The following SUMF2 variants were observed in gnomAD, a reference collection of about 807,000 sequenced individuals.
SUMF2 encodes sulfatase modifying factor 2.
A neutral mutation model predicts 44.8 loss-of-function variants in SUMF2; 45 were observed. The observed-to-expected ratio is 1.00, with a 90% CI of 0.79 to 1.29. The LOEUF (loss-of-function observed/expected upper bound fraction) is 1.29. SUMF2 is among the 50% of genes most tolerant of loss of function. The pLI is 0.00. For synonymous variants in SUMF2, 148 were observed against 150.4 expected (o/e 0.98, Z 0.12); for missense variants, 418 against 389.9 (o/e 1.07, Z -0.61).
downstream of SUMF2, among the ~76,000 whole-genome samples, chr7:56,081,475 C>G (rs538078933): frequency 1.2e-4 from 19 of 152,180 alleles, no homozygotes; most frequent in Non-Finnish European, 2.6e-4. The surrounding 1 kb of genome is among the most constrained non-coding windows in gnomAD (Gnocchi z 4.6). Flanking sequence ...AGCCAGTGGG[C>G]TGACACCTGC....
At chr7:56,081,843 GC>G, downstream of SUMF2, 1 of 1,609,178 alleles carries the variant, frequency 6.2e-7, no homozygotes, top group Non-Finnish European at 8.5e-7. This position sits in a 1 kb window ranked among gnomAD's most constrained non-coding sequence, Gnocchi z 4.6. Context: ...GGGCAGGGGC[GC>G]CTGGCATCGC....
At chr7:56,065,049 G>A (rs1229679702) in intron 1 of SUMF2, among the ~76,000 whole-genome samples, 1 of 151,398 alleles carries the variant, frequency 6.6e-6, no homozygotes, top group Non-Finnish European at 1.5e-5. Context: ...AAAATTAGCC[G>A]GGCGTGATGG....
At chr7:56,072,934 C>T in intron 2 of SUMF2, 63 bp from the exon 3 acceptor site, 1 of 1,211,596 alleles carries the variant, frequency 8.3e-7, no homozygotes, top group South Asian at 1.3e-5. Flanking sequence ...TTTCCTGGAG[C>T]AGGAGAAGAT....
chr7:56,084,213 G>A, downstream of SUMF2: 1 of 1,533,900 alleles, frequency 6.5e-7, no homozygotes, highest in Non-Finnish European at 8.7e-7. Flanking sequence ...CACCATTTCT[G>A]TTCCATCTCC....
rs4245575 is a variant in SUMF2, at chr7:56,068,567, C to G, written c.153C>G (p.Asp51Glu). 4.3e-6 allele frequency: 7 copies of G among 1,614,020 alleles called. No individual in the cohort carries two copies. The highest frequency in any genetic ancestry group is 1.3e-5 in the African/African-American group (1 of 74,908). ...ATTCTCCAGACAGCAGAGATGGTGACGGGCCTGTGCGGGAGGCGACAGTGA... is the reference window on the plus strand; with the variant it reads ...ATTCTCCAGACAGCAGAGATGGTGAGGGGCCTGTGCGGGAGGCGACAGTGA... ...GTNSPDSRDG[D>E]GPVREATVKP... The change falls in exon 2 of 9, where the codon GAC (aspartate) becomes GAG (glutamate). Residue 51 changes from aspartate (D) to glutamate (E), a missense_variant. Asp to Glu is a conservative substitution (Grantham distance 45). Coordinates refer to ENST00000434526, the MANE Select transcript of SUMF2 (RefSeq NM_015411.4).
Position 56,068,585 on chromosome 7 carries a change from G to T in SUMF2, c.171G>T (p.Ala57=). 1 of 1,613,884 alleles carries T rather than the reference G, an allele frequency of 6.2e-7. No individual in the cohort carries two copies. The highest frequency in any genetic ancestry group is 8.5e-7 in the Non-Finnish European group (1 of 1,179,952). ...SRDGDGPVRE[A]TVKPFAIDIF... ...ATGGTGACGGGCCTGTGCGGGAGGC[G>T]ACAGTGAAACCCTTTGCCATCGACA... The change falls in exon 2 of 9, where the codon GCG becomes GCT. Residue 57 remains alanine, a synonymous_variant. Coordinates refer to ENST00000434526, the MANE Select transcript of SUMF2 (RefSeq NM_015411.4).
Position 56,079,711 on chromosome 7 carries a change from C to G in SUMF2, c.*99C>G. 5 of 1,609,014 alleles carry G rather than the reference C, an allele frequency of 3.1e-6. No individual in the cohort carries two copies. Among genetic ancestry groups the G allele is most frequent in the Non-Finnish European group, 4.2e-6 (5 of 1,177,550 alleles). ...ATTCCAAGCTCGAGAGCTTCAGCCT[C>G]AGGAAAGAACTTCCCCTTCCCTGTC... On this transcript the variant is annotated 3_prime_UTR_variant, in exon 9 of 9. Coordinates refer to ENST00000434526, the MANE Select transcript of SUMF2 (RefSeq NM_015411.4).
chr7:56,080,962 C>T (rs79373840), downstream of SUMF2: 1 of 1,449,380 alleles, frequency 6.9e-7, no homozygotes, highest in South Asian at 1.3e-5. Context: ...GCTCCTTCTG[C>T]AGAGGCCTGC....
At chr7:56,083,689 T>G (rs769138362), downstream of SUMF2, 2 of 1,584,204 alleles carry the variant, frequency 1.3e-6, no homozygotes, top group Admixed American at 1.8e-5. Flanking sequence ...CTCAGTGAGG[T>G]AGTCAAAGAG....
downstream of SUMF2, among the ~76,000 whole-genome samples, chr7:56,085,627 C>T (rs1162653629): frequency 6.6e-6 from 1 of 152,112 alleles, no homozygotes; most frequent in East Asian, 1.9e-4. Context: ...TTTTCCAATC[C>T]CGCCTCATTA....
chr7:56,081,669 C>T (rs11238393), downstream of SUMF2: 337,622 of 1,613,168 alleles, frequency 0.21, 37,079 homozygotes, highest in Middle Eastern at 0.26. The surrounding 1 kb of genome is among the most constrained non-coding windows in gnomAD (Gnocchi z 4.6). Context: ...GCACTTCCTC[C>T]ACCAAGTACT....
intron 4 of SUMF2, 32 bp from the exon 5 acceptor site, chr7:56,074,554 G>A (rs765705758): frequency 1.9e-6 from 3 of 1,609,344 alleles, no homozygotes; most frequent in Middle Eastern, 1.6e-4. Context: ...ATGCGCTCCC[G>A]GAAGCCTGTC....
chr7:56,069,874 A>G (rs541448403), intron 2 of SUMF2, among the ~76,000 whole-genome samples: 2 of 152,128 alleles, frequency 1.3e-5, no homozygotes, highest in Admixed American at 6.6e-5. Context: ...GTGACCCACC[A>G]TGCCTGGCCT....
chr7:56,065,300 C>G lies in SUMF2; in HGVS notation c.67+922C>G, dbSNP rs952445812. 9.9e-5 allele frequency among the ~76,000 whole-genome samples: 15 copies of G among 152,226 alleles called. 1 individual carries two copies. The highest frequency in any genetic ancestry group is 8.3e-4 in the South Asian group (4 of 4,826). On this transcript the variant is annotated intron_variant, in intron 1 of 8. Coordinates refer to ENST00000434526, the MANE Select transcript of SUMF2 (RefSeq NM_015411.4). ...CTGCCAGTTTGTGGCCAGTCCTGCT[C>G]CTGCGGAATCGCACACTCCCCCTCT... is the stretch of plus-strand genomic sequence containing the variant.
At chr7:56,086,907 T>G in the SUMF2 span, 1 of 1,270,156 alleles carries the variant, frequency 7.9e-7, no homozygotes, top group Non-Finnish European at 1.2e-6. Flanking sequence ...GCCCTGGGGT[T>G]GGGGAGGGGA....
chr7:56,072,792 AG>A (rs1340898347), intron 2 of SUMF2, among the ~76,000 whole-genome samples: 1 of 152,244 alleles, frequency 6.6e-6, no homozygotes. Context: ...TAAACACTGA[AG>A]AGAGTGAATT....
At chr7:56,068,363 G>A (rs1794947655) in intron 1 of SUMF2, 119 bp from the exon 2 acceptor site, 1 of 1,024,692 alleles carries the variant, frequency 9.8e-7, no homozygotes, top group East Asian at 2.8e-5. Context: ...AGATTTTTAA[G>A]CCTCCACATT....
At chr7:56,087,304 C>T in the SUMF2 span, among the ~76,000 whole-genome samples, 1 of 151,662 alleles carries the variant, frequency 6.6e-6, no homozygotes, top group African/African-American at 2.4e-5. Flanking sequence ...TCACTGCAGC[C>T]TCAAACTACT....
intron 1 of SUMF2, among the ~76,000 whole-genome samples, chr7:56,064,876 T>C (rs1310551594): frequency 1.6e-4 from 13 of 80,062 alleles, no homozygotes; most frequent in South Asian, 4.4e-4. Flanking sequence ...GATCGATACT[T>C]TATCTCAAAA....
Sources: gnomAD v4.1 joint callset for allele counts (sites outside exome capture counted in the v4.1 genomes callset) on GRCh38, gnomAD v4.1.1 for gene constraint, Gnocchi (gnomAD v3.1) non-coding constraint, MANE v1.5 for transcripts, NCBI Gene and HGNC (gene_info 2026-07-23, HGNC 2026-07-21) for gene names.